Variants in HMGXB4 observed in about 807,000 individuals in gnomAD.
HMGXB4 encodes HMG domain-containing protein 4.
HMGXB4 carries 27 observed loss-of-function variants against 63.9 expected under a neutral mutation model. The ratio of observed to expected loss-of-function variants is 0.42; its 90% CI spans 0.31 to 0.58. HMGXB4 has a LOEUF of 0.58. Ranked by LOEUF, HMGXB4 falls within the 20% of genes least tolerant of loss-of-function variation. The probability of loss-of-function intolerance (pLI) is 0.13; values close to 1 mark genes in which losing one functional copy is unlikely to be tolerated. For synonymous variants in HMGXB4, 264 were observed against 265.3 expected (o/e 0.99, Z 0.05); for missense variants, 624 against 700.7 (o/e 0.89, Z 1.24).
intron 4 of HMGXB4, 122 bp downstream of exon 4, chr22:35,263,996 T>C: frequency 6.4e-7 from 1 of 1,564,200 alleles, no homozygotes; most frequent in Non-Finnish European, 8.7e-7. Context: ...GTGGTTCTTG[T>C]TCTGAGTGCC....
the HMGXB4 span, among the ~76,000 whole-genome samples, chr22:35,242,489 T>A: frequency 6.6e-6 from 1 of 152,206 alleles, no homozygotes; most frequent in Non-Finnish European, 1.5e-5. Flanking sequence ...CTGCAAGGTC[T>A]GTAGTGATAT....
intron 5 of HMGXB4, among the ~76,000 whole-genome samples, chr22:35,278,918 G>A (rs8142763): frequency 0.51 from 76,601 of 149,296 alleles, 22,552 homozygotes; most frequent in Non-Finnish European, 0.65. Flanking sequence ...ATGGTGGCAC[G>A]CACTCGTAGT....
In HMGXB4 at chr22:35,284,394, T is replaced by C. The variant is rs76058117; in HGVS notation, c.1297+351T>C. On this transcript the variant is annotated intron_variant, in intron 6 of 10. Coordinates refer to ENST00000216106, the MANE Select transcript of HMGXB4 (RefSeq NM_001003681.3). ...TGAGATATCTTGTATTATATTGTTG[T>C]AAAGATGCTCTTCAACTTATGATAG... is the stretch of plus-strand genomic sequence containing the variant. Among the ~76,000 whole-genome samples the C allele has an allele frequency of 2.3e-3, 348 of 152,360 alleles. 4 individuals carry two copies. Among genetic ancestry groups the C allele is most frequent in the African/African-American group, 8.2e-3 (340 of 41,582 alleles).
In HMGXB4 at chr22:35,277,408, G is replaced by A. The variant is rs572156751; in HGVS notation, c.1216-6554G>A. 7.6e-4 allele frequency among the ~76,000 whole-genome samples: 115 copies of A among 152,312 alleles called. 1 individual carries two copies. Among genetic ancestry groups the A allele is most frequent in the African/African-American group, 2.7e-3 (113 of 41,572 alleles). On this transcript the variant is annotated intron_variant, in intron 5 of 10. Coordinates refer to ENST00000216106, the MANE Select transcript of HMGXB4 (RefSeq NM_001003681.3). Reference sequence around the variant, plus strand: ...ATGTTGCCCAGGCTGGAGGGCAATGGCACCATCTTAGCTCACTGCAACCTC... The same window carrying A: ...ATGTTGCCCAGGCTGGAGGGCAATGACACCATCTTAGCTCACTGCAACCTC...
chr22:35,268,868 CTCT>C (rs1923427920), intron 5 of HMGXB4, among the ~76,000 whole-genome samples: 1 of 152,146 alleles, frequency 6.6e-6, no homozygotes, highest in South Asian at 2.1e-4. Context: ...AGTGACCTTC[CTCT>C]TCTTACATAT....
At chr22:35,283,752 T>C (rs1216131110) in intron 5 of HMGXB4, among the ~76,000 whole-genome samples, 1 of 152,036 alleles carries the variant, frequency 6.6e-6, no homozygotes, top group Admixed American at 6.6e-5. Flanking sequence ...ATTGCGCCAC[T>C]GCACTCCAGC....
In HMGXB4 at chr22:35,288,473, T is replaced by C. The variant is rs559753253; in HGVS notation, c.1638+66T>C. The C allele has an allele frequency of 7.7e-6, 10 of 1,296,256 alleles. No homozygotes were observed. In the African/African-American group the frequency reaches 1.3e-4, roughly 17 times the overall value. The allele number at this position is 1,296,256 out of a possible 1,614,324, so 80.3% of individuals were successfully genotyped here. On this transcript the variant is annotated intron_variant, in intron 9 of 10. Coordinates refer to ENST00000216106, the MANE Select transcript of HMGXB4 (RefSeq NM_001003681.3). Reference sequence around the variant, plus strand: ...TAGTTTCCCATATAATTTTGATTCATTCACTCATTTTACATACATGTATTG... The same window carrying C: ...TAGTTTCCCATATAATTTTGATTCACTCACTCATTTTACATACATGTATTG...
At chr22:35,248,838 T>A in the HMGXB4 span, among the ~76,000 whole-genome samples, 1 of 152,146 alleles carries the variant, frequency 6.6e-6, no homozygotes, top group African/African-American at 2.4e-5. Context: ...CCGGGCCCCA[T>A]CCAATGCTGG....
Position 35,293,665 on chromosome 22 carries a change from T to C in HMGXB4, c.*14T>C, listed in dbSNP as rs772064955. 3.1e-6 allele frequency: 5 copies of C among 1,599,428 alleles called. No homozygotes were observed. In the South Asian group the frequency reaches 5.5e-5, roughly 18 times the overall value. ...CCGGGACTGTGACAGCAAAGAATCCTGGGACAGAAACCTTATCCTACACCA... is the reference window on the plus strand; with the variant it reads ...CCGGGACTGTGACAGCAAAGAATCCCGGGACAGAAACCTTATCCTACACCA... On this transcript the variant is annotated 3_prime_UTR_variant, in exon 11 of 11. Transcript: ENST00000216106.
chr22:35,262,856 T>C (rs1922949433), intron 2 of HMGXB4: 6 of 577,208 alleles, frequency 1.0e-5, no homozygotes, highest in Non-Finnish European at 6.1e-6. Context: ...GGCCTTTGCA[T>C]AGCATGGAAA....
upstream of HMGXB4, among the ~76,000 whole-genome samples, chr22:35,255,278 G>T (rs1346118694): frequency 1.3e-5 from 2 of 152,072 alleles, no homozygotes; most frequent in East Asian, 3.9e-4. Context: ...CAGGAGGATT[G>T]CTTGAGTCCA....
At chr22:35,261,885 G>C (rs1266470555) in intron 1 of HMGXB4, 3 of 154,480 alleles carry the variant, frequency 1.9e-5, no homozygotes, top group Admixed American at 6.4e-5. Flanking sequence ...CACCAATCCA[G>C]TTGGTAGGAT....
intron 5 of HMGXB4, among the ~76,000 whole-genome samples, chr22:35,271,228 C>CA (rs929378326): frequency 8.0e-5 from 12 of 149,952 alleles, no homozygotes; most frequent in African/African-American, 1.5e-4. Context: ...GACCCTGTCT[C>CA]AAAAAAAATA....
chr22:35,263,258 T>C, intron 3 of HMGXB4, 32 bp downstream of exon 3: 1 of 1,556,068 alleles, frequency 6.4e-7, no homozygotes, highest in Non-Finnish European at 8.7e-7. Context: ...TAGGAAAGTC[T>C]TAAACTACTC....
At chr22:35,266,120 G>T (rs866777069) in intron 5 of HMGXB4, among the ~76,000 whole-genome samples, 8 of 152,016 alleles carry the variant, frequency 5.3e-5, no homozygotes, top group Middle Eastern at 3.4e-3. Context: ...TTCTCCCATT[G>T]TGCCAGGAAT....
intron 6 of HMGXB4, among the ~76,000 whole-genome samples, chr22:35,285,791 G>A (rs1924537840): frequency 6.6e-6 from 1 of 152,186 alleles, no homozygotes; most frequent in Non-Finnish European, 1.5e-5. Context: ...TACGAGTTGA[G>A]ACTGTCTCCT....
intron 5 of HMGXB4, among the ~76,000 whole-genome samples, chr22:35,276,706 GC>G (rs1387356888): frequency 2.0e-5 from 3 of 152,126 alleles, no homozygotes; most frequent in Non-Finnish European, 4.4e-5. Flanking sequence ...GAGATAAAAA[GC>G]TGATACTAAA....
intron 5 of HMGXB4, among the ~76,000 whole-genome samples, chr22:35,272,134 T>A (rs1379529503): frequency 6.6e-6 from 1 of 152,168 alleles, no homozygotes; most frequent in Non-Finnish European, 1.5e-5. Context: ...GTAGAACACT[T>A]ATACAGGGGC....
At chr22:35,270,577 G>A (rs973955388) in intron 5 of HMGXB4, among the ~76,000 whole-genome samples, 8 of 152,174 alleles carry the variant, frequency 5.3e-5, no homozygotes, top group South Asian at 2.1e-4. Flanking sequence ...GTTGAGGACC[G>A]CTGACCTAGT....
Sources: allele counts gnomAD v4.1 joint callset (sites outside exome capture counted in the v4.1 genomes callset), GRCh38; gene constraint gnomAD v4.1.1; transcripts MANE v1.5; gene names NCBI Gene and HGNC (gene_info 2026-07-23, HGNC 2026-07-21).